ARFGEF1: variants seen among roughly 807,000 people sequenced by gnomAD.
ARFGEF1 encodes the protein ARF guanine nucleotide exchange factor 1.
ARFGEF1 carries 42 observed loss-of-function variants against 231.0 expected under a neutral mutation model. The observed-to-expected ratio is 0.18, with a 90% CI of 0.14 to 0.24. ARFGEF1 has a LOEUF of 0.24. ARFGEF1 is among the 10% of genes least tolerant of loss of function. The pLI is 1.00. For missense variants in ARFGEF1, 1,345 were observed against 2,192.0 expected, an observed-to-expected ratio of 0.61 and a Z score of 7.72; for synonymous variants, 710 against 732.3, an observed-to-expected ratio of 0.97 and a Z score of 0.49.
chr8:67,278,176 C>T (rs925851680), intron 7 of ARFGEF1, among the ~76,000 whole-genome samples: 15 of 151,988 alleles, frequency 9.9e-5, no homozygotes, highest in Non-Finnish European at 1.9e-4. Context: ...TCCATGCTAC[C>T]AATTGAAAGA....
rs1429596915 is a variant in ARFGEF1 at position 67,190,683 on chromosome 8, A to G, written c.560+9713T>C. The G allele has an allele frequency of 6.2e-7, 1 of 1,614,016 alleles. No homozygotes were observed. Among genetic ancestry groups the G allele is most frequent in the African/African-American group, 1.3e-5 (1 of 74,908 alleles). ...GGTGAGACATATCCTGCCATTGAAGATGACGTCCTCCCTCCACCATCACAG... is the reference window on the plus strand; with the variant it reads ...GGTGAGACATATCCTGCCATTGAAGGTGACGTCCTCCCTCCACCATCACAG... On this transcript the variant is annotated intron_variant, in intron 5 of 5. Transcript: ENST00000518789.
Position 67,343,182 on chromosome 8 carries a change from C to T in ARFGEF1, c.106G>A (p.Ala36Thr). 6.2e-7 allele frequency: 1 copy of T among 1,611,508 alleles called. No homozygotes were observed. The highest frequency in any genetic ancestry group is 8.5e-7 in the Non-Finnish European group (1 of 1,178,682). Residue 36 changes from alanine (A) to threonine (T), a missense_variant, in exon 1 of 39, where the codon GCT (alanine) becomes ACT (threonine). Ala to Thr is a moderately conservative substitution (Grantham distance 58). Coordinates refer to ENST00000262215, the MANE Select transcript of ARFGEF1 (RefSeq NM_006421.5). Reference protein sequence around the residue: ...KKAHHSQLRKACEVALEEIKA... With the variant: ...KKAHHSQLRKTCEVALEEIKA... ...CGCTCACCTAACGCCACCTCGCAAG[C>T]TTTGCGCAGCTGGGAGTGATGCGCC...
chr8:67,239,274 G>C (rs1379455491), intron 20 of ARFGEF1, among the ~76,000 whole-genome samples: 1 of 152,038 alleles, frequency 6.6e-6, no homozygotes, highest in Non-Finnish European at 1.5e-5. Flanking sequence ...CCAAAGTGCT[G>C]GGATTACAGG....
chr8:67,285,677 A>T (rs1280017061), intron 7 of ARFGEF1, among the ~76,000 whole-genome samples: 1 of 152,154 alleles, frequency 6.6e-6, no homozygotes, highest in Non-Finnish European at 1.5e-5. Context: ...CCTACCACCA[A>T]CGGGGGTAAC....
intron 1 of ARFGEF1, among the ~76,000 whole-genome samples, chr8:67,335,879 T>C (rs143245216): frequency 0.02 from 3,017 of 152,184 alleles, 84 homozygotes; most frequent in African/African-American, 0.068. Context: ...CCTAAATAGC[T>C]GGGATTACAG....
At chr8:67,272,167 A>G (rs1048317815) in intron 9 of ARFGEF1, among the ~76,000 whole-genome samples, 2 of 152,172 alleles carry the variant, frequency 1.3e-5, no homozygotes, top group Non-Finnish European at 1.5e-5. Context: ...ATAATTTCAC[A>G]AACTTTTTAA....
intron 1 of ARFGEF1, among the ~76,000 whole-genome samples, chr8:67,312,536 C>A (rs1462541945): frequency 2.0e-5 from 3 of 151,880 alleles, no homozygotes; most frequent in Non-Finnish European, 2.9e-5. Context: ...ACAAAAAAAA[C>A]AAACAAACCT....
At position 67,276,067 on chromosome 8, in the gene ARFGEF1, A is replaced by G. The variant is rs537950704; in HGVS notation, c.1246T>C (p.Ser416Pro). 5.6e-6 allele frequency: 9 copies of G among 1,613,428 alleles called. No homozygotes were observed. The African/African-American group carries it at 9.3e-5, about 17-fold the overall frequency. Residue 416 changes from serine to proline, a missense_variant, in exon 9 of 39, where the codon TCC (serine) becomes CCC (proline). By Grantham distance (74) the Ser-to-Pro change is moderately conservative. This residue lies in a region of ARFGEF1 where 141 missense variants were observed against 259.9 expected (regional missense o/e 0.54). Transcript: ENST00000262215. ...SSGPSPGAKF[S>P]HILQKDAFLV... ...AAGGCATCCTTTTGTAAAATGTGGGAAAACTTAGCACCAGGTGAAGGTCCT... is the reference window on the plus strand; with the variant it reads ...AAGGCATCCTTTTGTAAAATGTGGGGAAACTTAGCACCAGGTGAAGGTCCT...
intron 5 of ARFGEF1, among the ~76,000 whole-genome samples, chr8:67,181,089 G>T (rs1312131280): frequency 6.6e-6 from 1 of 151,908 alleles, no homozygotes; most frequent in East Asian, 1.9e-4. Context: ...CCAGGCTGGA[G>T]TGCAGCAGCA....
chr8:67,272,448 G>C lies in ARFGEF1; in HGVS notation c.1338-512C>G, dbSNP rs1345293602. Among the ~76,000 whole-genome samples the C allele has an allele frequency of 1.1e-4, 16 of 151,956 alleles. No individual in the cohort carries two copies. In the East Asian group the frequency reaches 2.9e-3, roughly 28 times the overall value. On this transcript the variant is annotated intron_variant, in intron 9 of 38. Coordinates refer to ENST00000262215, the MANE Select transcript of ARFGEF1 (RefSeq NM_006421.5). ...CCCAAAGTGCTGGGATTACAGGCAT[G>C]AGCCACCGCGCCTGGCCCACAAACT...
intron 34 of ARFGEF1, among the ~76,000 whole-genome samples, chr8:67,207,394 C>T (rs1185014002): frequency 2.6e-5 from 4 of 152,200 alleles, no homozygotes; most frequent in African/African-American, 9.7e-5. Flanking sequence ...TGAGGCTGTA[C>T]TCTGAACAGG....
chr8:67,244,430 T>C (rs976926064), intron 19 of ARFGEF1, among the ~76,000 whole-genome samples: 1 of 147,410 alleles, frequency 6.8e-6, no homozygotes, highest in Non-Finnish European at 1.5e-5. Context: ...CACCTCAGCT[T>C]TCCTAGTAGC....
chr8:67,307,164 A>G (rs1012574603), intron 1 of ARFGEF1, among the ~76,000 whole-genome samples: 1 of 152,250 alleles, frequency 6.6e-6, no homozygotes, highest in Non-Finnish European at 1.5e-5. Flanking sequence ...GGGAGTCTAT[A>G]TATCAATTAC....
chr8:67,216,475 A>T (rs1838937602), intron 33 of ARFGEF1, 115 bp downstream of exon 33: 1 of 941,226 alleles, frequency 1.1e-6, no homozygotes, highest in African/African-American at 1.8e-5. Flanking sequence ...CCAGTCTCAG[A>T]TATTTTTTTA....
intron 1 of ARFGEF1, among the ~76,000 whole-genome samples, chr8:67,310,362 G>A (rs1806947087): frequency 1.3e-5 from 2 of 152,220 alleles, no homozygotes; most frequent in Non-Finnish European, 2.9e-5. Flanking sequence ...GCCTCCCGAG[G>A]TGCCAGGATT....
In ARFGEF1 at chr8:67,312,227, T is replaced by C. The variant is rs278926; in HGVS notation, c.125-9761A>G. 2.8e-5 allele frequency among the ~76,000 whole-genome samples: 4 copies of C among 141,320 alleles called. 1 individual carries two copies. The South Asian group carries it at 8.9e-4, about 31-fold the overall frequency. 92.7% of individuals were successfully genotyped at this position (141,320 alleles called of 152,430 possible). ...CCCTCTGTGAGAAACACCCAAGAAT[T>C]ATCAATAAAAAAAAAATTAAAAAAA... On this transcript the variant is annotated intron_variant, in intron 1 of 38. Transcript: ENST00000262215.
In ARFGEF1 at chr8:67,218,205, A is replaced by AT. The variant is rs1479884009; in HGVS notation, c.4339-68_4339-67insA. Reference sequence around the variant, plus strand: ...ACTACTATGATTAAAAAAAAAAAAAAAAATATATATATATATATATATATA... The same window carrying AT: ...ACTACTATGATTAAAAAAAAAAAAAATAAATATATATATATATATATATATA... On this transcript the variant is annotated intron_variant, in intron 30 of 38. Transcript: ENST00000262215. 312 of 155,444 alleles carry AT rather than the reference A, an allele frequency of 2.0e-3. No individual in the cohort carries two copies. In the Admixed American group the frequency reaches 0.022, roughly 11 times the overall value. 9.6% of individuals were successfully genotyped at this position (155,444 alleles called of 1,614,324 possible).
At position 67,343,440 on chromosome 8, in the gene ARFGEF1, C is replaced by A; in HGVS notation, c.-153G>T. ...GGGCAGCGGCAGGATCAGGAAGGGG[C>A]GGGCGAGCGGGACCAGCCGCGGTGT... is the stretch of plus-strand genomic sequence containing the variant. On this transcript the variant is annotated 5_prime_UTR_variant, in exon 1 of 39. Coordinates refer to ENST00000262215, the MANE Select transcript of ARFGEF1 (RefSeq NM_006421.5). 1.5e-6 allele frequency: 2 copies of A among 1,366,416 alleles called. No individual in the cohort carries two copies. The highest frequency in any genetic ancestry group is 1.9e-6 in the Non-Finnish European group (2 of 1,055,660). The allele number at this position is 1,366,416 out of a possible 1,614,324, so 84.6% of individuals were successfully genotyped here.
intron 1 of ARFGEF1, among the ~76,000 whole-genome samples, chr8:67,326,365 G>A (rs1453600564): frequency 6.6e-6 from 1 of 152,292 alleles, no homozygotes; most frequent in East Asian, 1.9e-4. Context: ...GTATCTGCAA[G>A]AGTAAATCTA....
Sources: allele counts gnomAD v4.1 joint callset (sites outside exome capture counted in the v4.1 genomes callset), GRCh38; gene constraint gnomAD v4.1.1; regional missense constraint gnomAD v4.1.1; transcripts MANE v1.5; gene names NCBI Gene and HGNC (gene_info 2026-07-23, HGNC 2026-07-21).